TAAR1: variants seen among roughly 807,000 people sequenced by gnomAD.
The protein encoded by TAAR1 is trace amine-associated receptor 1.
A neutral mutation model predicts 1.2 loss-of-function variants in TAAR1; 1 was observed. The ratio of observed to expected loss-of-function variants is 0.81; its 90% CI spans 0.29 to 3.86. TAAR1 has a LOEUF of 3.86. Ranked by LOEUF, TAAR1 falls within the 30% of genes most tolerant of loss-of-function variation. TAAR1 has a pLI of 0.18. For synonymous variants in TAAR1, 153 were observed against 132.2 expected, an observed-to-expected ratio of 1.16 and a Z score of -1.08; for missense variants, 445 against 405.6, an observed-to-expected ratio of 1.10 and a Z score of -0.83.
At chr6:132,655,674 C>A (rs1450248328) in intron 1 of TAAR1, among the ~76,000 whole-genome samples, 1 of 152,118 alleles carries the variant, frequency 6.6e-6, no homozygotes, top group Non-Finnish European at 1.5e-5. Flanking sequence ...AACAGTATCA[C>A]TCCGATTGCT....
chr6:132,651,651 C>G (rs752269923), intron 1 of TAAR1, among the ~76,000 whole-genome samples: 2 of 152,144 alleles, frequency 1.3e-5, no homozygotes, highest in Non-Finnish European at 2.9e-5. Context: ...TGGTCCAAGC[C>G]ACCAACAATC....
rs1316455956 is a variant in TAAR1 at position 132,644,969 on chromosome 6, T to C, written c.*15A>G. ...GATCATCAACCGATTTGCAAAACAG[T>C]AAAATATAATAATTCTATGAACTCA... On this transcript the variant is annotated 3_prime_UTR_variant, in exon 2 of 2. Transcript: ENST00000275216. The C allele has an allele frequency of 6.6e-7, 1 of 1,517,154 alleles. No individual in the cohort carries two copies. The highest frequency in any genetic ancestry group is 1.4e-5 in the African/African-American group (1 of 71,314). 94.0% of individuals were successfully genotyped at this position (1,517,154 alleles called of 1,614,324 possible).
chr6:132,644,836 T>C lies in TAAR1; in HGVS notation c.*148A>G. 6.4e-6 allele frequency: 4 copies of C among 628,364 alleles called. No individual in the cohort carries two copies. The highest frequency in any genetic ancestry group is 4.9e-5 in the South Asian group (2 of 40,562). 38.9% of individuals were successfully genotyped at this position (628,364 alleles called of 1,614,324 possible). On this transcript the variant is annotated 3_prime_UTR_variant, in exon 2 of 2. Transcript: ENST00000275216. ...TATGTCCCAAATAGGAAATTACCTA[T>C]AAGCATCATAATTTAACTCACCATA...
At chr6:132,658,536 T>G (rs1019096309) in intron 1 of TAAR1, among the ~76,000 whole-genome samples, 36 of 152,146 alleles carry the variant, frequency 2.4e-4, no homozygotes, top group African/African-American at 8.4e-4. Flanking sequence ...TGAATTTAGT[T>G]TAAGTTGAAA....
At chr6:132,647,680 G>A (rs1008504619) in intron 1 of TAAR1, among the ~76,000 whole-genome samples, 1 of 140,786 alleles carries the variant, frequency 7.1e-6, no homozygotes, top group East Asian at 2.1e-4. Flanking sequence ...AAGAAAGAAA[G>A]AAGAAAGAAA....
In TAAR1 at chr6:132,654,382, A is replaced by G. The variant is rs577824900; in HGVS notation, c.-127+4748T>C. Among the ~76,000 whole-genome samples, 56 of 152,324 alleles carry G rather than the reference A, an allele frequency of 3.7e-4. 1 individual carries two copies. Among genetic ancestry groups the G allele is most frequent in the African/African-American group, 1.3e-3 (54 of 41,578 alleles). ...ATGTCATGTTCTTATTTAATTTAAGACAGCTGGTAGGTACTTGTATCTATA... is the reference window on the plus strand; with the variant it reads ...ATGTCATGTTCTTATTTAATTTAAGGCAGCTGGTAGGTACTTGTATCTATA... On this transcript the variant is annotated intron_variant, in intron 1 of 1. Coordinates refer to ENST00000275216, the MANE Select transcript of TAAR1 (RefSeq NM_138327.4).
chr6:132,647,625 AAAGAAAGAAAGAAAGAAAG>A (rs1562203008), intron 1 of TAAR1, among the ~76,000 whole-genome samples: 1,871 of 96,068 alleles, frequency 0.019, 79 homozygotes, highest in African/African-American at 0.058. Context: ...AAGAAAAAGG[AAAGAAAGAAAGAAAGAAAG>A]AAAGAAAGAA....
Position 132,645,665 on chromosome 6 carries a change from A to C in TAAR1, c.339T>G (p.His113Gln). 1 of 1,613,616 alleles carries C rather than the reference A, an allele frequency of 6.2e-7. No individual in the cohort carries two copies. The highest frequency in any genetic ancestry group is 8.5e-7 in the Non-Finnish European group (1 of 1,179,772). ...AGCGGTCAATGGAGATGAAAGACAA[A>C]TGGAAAATGGAGGCTGAGCTCAGCA... ...DIMLSSASIF[H>Q]LSFISIDRYY... The change falls in exon 2 of 2, where the codon CAT becomes CAG. Residue 113 changes from histidine (H) to glutamine (Q), a missense_variant. Transcript: ENST00000275216.
chr6:132,657,735 AG>A (rs1204657849), intron 1 of TAAR1, among the ~76,000 whole-genome samples: 1 of 152,098 alleles, frequency 6.6e-6, no homozygotes, highest in Non-Finnish European at 1.5e-5. Flanking sequence ...ACACACAAAA[AG>A]ATTAACAACA....
At chr6:132,647,362 G>GCA (rs55908881) in intron 1 of TAAR1, among the ~76,000 whole-genome samples, 4,775 of 140,606 alleles carry the variant, frequency 0.034, 95 homozygotes, top group Non-Finnish European at 0.048. Flanking sequence ...ACATACGCAT[G>GCA]CACACACACA....
At position 132,643,475 on chromosome 6, in the gene TAAR1, A is replaced by G. The variant is rs1014111680; in HGVS notation, c.*1509T>C. On this transcript the variant is annotated 3_prime_UTR_variant, in exon 2 of 2. Transcript: ENST00000275216. The stretch of plus-strand genomic sequence containing the variant: ...GTGTACTAAATTAAAAACATAAAAC[A>G]TAATGTTTTTAAAAGTACTAGAGCA... Among the ~76,000 whole-genome samples the G allele has an allele frequency of 6.6e-6, 1 of 152,066 alleles. No individual in the cohort carries two copies. The highest frequency in any genetic ancestry group is 2.4e-5 in the African/African-American group (1 of 41,452).
At chr6:132,648,474 G>GT (rs898111023) in intron 1 of TAAR1, among the ~76,000 whole-genome samples, 6 of 152,186 alleles carry the variant, frequency 3.9e-5, no homozygotes, top group Admixed American at 3.9e-4. Context: ...CATAGGCCTT[G>GT]TTTTTTGTGG....
chr6:132,649,699 A>G (rs1166075223), intron 1 of TAAR1, among the ~76,000 whole-genome samples: 1 of 152,152 alleles, frequency 6.6e-6, no homozygotes, highest in African/African-American at 2.4e-5. Context: ...GAAAACCATC[A>G]GATCTCATGA....
intron 1 of TAAR1, among the ~76,000 whole-genome samples, chr6:132,647,606 AAAG>A (rs1306368428): frequency 1.0e-4 from 11 of 108,114 alleles, no homozygotes; most frequent in Admixed American, 3.1e-4. Flanking sequence ...GAGAAAGAAA[AAAG>A]AAAGAAAGAA....
chr6:132,645,032 GA>G lies in TAAR1; in HGVS notation c.971del (p.Phe324SerfsTer14), dbSNP rs766150071. 3 of 1,583,606 alleles carry G rather than the reference GA, an allele frequency of 1.9e-6. No individual in the cohort carries two copies. The highest frequency in any genetic ancestry group is 2.6e-6 in the Non-Finnish European group (3 of 1,171,588). On this transcript the variant is annotated frameshift_variant, in exon 2 of 2. Coordinates refer to ENST00000275216, the MANE Select transcript of TAAR1 (RefSeq NM_138327.4). LOFTEE classifies it high-confidence loss of function. ...ATTTACACCTGGATGAATCTTTTTGGAAAATTTTACCAAACAGCATCATCTT... is the reference window on the plus strand; with the variant it reads ...ATTTACACCTGGATGAATCTTTTTGGAAATTTTACCAAACAGCATCATCTT... The part of the protein sequence containing the change: ...ALKMMLFGKI[F>X]QKDSSRCKLF...
rs1562203016 is a variant in TAAR1 at position 132,647,626 on chromosome 6, AAGAAAG to A, written c.-126-1503_-126-1498del. On this transcript the variant is annotated intron_variant, in intron 1 of 1. Transcript: ENST00000275216. Reference sequence around the variant, plus strand: ...AGAAAAAAGAAAGAAAGAAAAAGGAAAGAAAGAAAGAAAGAAAGAAAGAAAGAAAGA... The same window carrying A: ...AGAAAAAAGAAAGAAAGAAAAAGGAAAAAGAAAGAAAGAAAGAAAGAAAGA... Among the ~76,000 whole-genome samples the A allele has an allele frequency of 7.4e-4, 42 of 56,658 alleles. 2 individuals are homozygous for A. Among genetic ancestry groups the A allele is most frequent in the Middle Eastern group, 0.015 (1 of 68 alleles). The allele number at this position is 56,658 out of a possible 152,430, so 37.2% of individuals were successfully genotyped here. A position where few individuals can be genotyped will look rare whatever the true frequency, so the allele number is the denominator to read the frequency against.
chr6:132,646,091 C>T lies in TAAR1; in HGVS notation c.-88G>A. Reference sequence around the variant, plus strand: ...CCATAATCAGGTTACAGTTCCTTCTCATGTTTATTTTTTATTTGCACATAC... The same window carrying T: ...CCATAATCAGGTTACAGTTCCTTCTTATGTTTATTTTTTATTTGCACATAC... On this transcript the variant is annotated 5_prime_UTR_variant, in exon 2 of 2. The change abolishes an upstream ATG in the 5' untranslated region. Transcript: ENST00000275216. 1 of 1,396,018 alleles carries T rather than the reference C, an allele frequency of 7.2e-7. No individual in the cohort carries two copies. The highest frequency in any genetic ancestry group is 9.7e-7 in the Non-Finnish European group (1 of 1,035,148). 86.5% of individuals were successfully genotyped at this position (1,396,018 alleles called of 1,614,324 possible).
At chr6:132,648,427 G>A (rs1434090252) in intron 1 of TAAR1, among the ~76,000 whole-genome samples, 5 of 152,194 alleles carry the variant, frequency 3.3e-5, no homozygotes, top group East Asian at 3.8e-4. Flanking sequence ...TTTAGAAGAG[G>A]AAATTCACAG....
intron 1 of TAAR1, among the ~76,000 whole-genome samples, chr6:132,647,752 A>G (rs1777703763): frequency 6.6e-6 from 1 of 152,082 alleles, no homozygotes; most frequent in Admixed American, 6.6e-5. Context: ...ATTTCTGGCA[A>G]TGAAGTCCTA....
Sources: allele counts gnomAD v4.1 joint callset (sites outside exome capture counted in the v4.1 genomes callset), GRCh38; gene constraint gnomAD v4.1.1; transcripts MANE v1.5; gene names NCBI Gene and HGNC (gene_info 2026-07-23, HGNC 2026-07-21).